Variants in SORBS2 observed in about 807,000 individuals in gnomAD.
The protein encoded by SORBS2 is sorbin and SH3 domain-containing protein 2.
A neutral mutation model predicts 97.7 loss-of-function variants in SORBS2; 46 were observed. That is an observed-to-expected ratio of 0.47 (90% CI 0.37 to 0.60). The LOEUF (loss-of-function observed/expected upper bound fraction) is 0.60. SORBS2 is among the 20% of genes least tolerant of loss of function. The pLI is 0.00. For synonymous variants in SORBS2, 476 were observed against 473.4 expected (o/e 1.01, Z -0.07); for missense variants, 1,316 against 1,282.3 (o/e 1.03, Z -0.40).
chr4:185,762,218 A>G (rs1360494882), intron 2 of SORBS2, among the ~76,000 whole-genome samples: 1 of 152,208 alleles, frequency 6.6e-6, no homozygotes, highest in African/African-American at 2.4e-5. Flanking sequence ...AATTCTCAGT[A>G]ACTGGGTGGC....
intron 2 of SORBS2, chr4:185,740,312 C>T (rs1370397956): frequency 6.6e-6 from 1 of 152,326 alleles, no homozygotes; most frequent in Non-Finnish European, 1.5e-5. Flanking sequence ...CACACGCTGT[C>T]AGGACATTCA....
intron 14 of SORBS2, chr4:185,587,899 A>G: frequency 2.0e-6 from 1 of 504,994 alleles, no homozygotes; most frequent in Non-Finnish European, 3.5e-6. Context: ...TCCGGCATAA[A>G]TGCTGCGCTG....
chr4:185,954,344 G>A (rs2099278612), intron 1 of SORBS2, among the ~76,000 whole-genome samples: 2 of 152,190 alleles, frequency 1.3e-5, no homozygotes, highest in South Asian at 4.2e-4. Context: ...TCTTACAGTT[G>A]ATTTTTAAAT....
chr4:185,854,839 A>G (rs1434030077), intron 1 of SORBS2, among the ~76,000 whole-genome samples: 2 of 151,968 alleles, frequency 1.3e-5, no homozygotes, highest in African/African-American at 4.8e-5. Context: ...TTACTGAGAG[A>G]GAACGTGCTA....
intron 1 of SORBS2, among the ~76,000 whole-genome samples, chr4:185,916,064 G>A (rs1288386346): frequency 6.6e-6 from 1 of 152,174 alleles, no homozygotes; most frequent in Non-Finnish European, 1.5e-5. Flanking sequence ...GGAGAAGCGA[G>A]ATCACAATAG....
chr4:185,618,681 A>G (rs765813550), intron 8 of SORBS2, 50 bp from the exon 21 acceptor site: 2 of 1,291,884 alleles, frequency 1.5e-6, no homozygotes, highest in African/African-American at 1.4e-5. Context: ...TGAATTTTCT[A>G]CAAGAAAGTA....
chr4:185,842,708 A>G (rs1439285274), intron 1 of SORBS2, among the ~76,000 whole-genome samples: 2 of 152,250 alleles, frequency 1.3e-5, no homozygotes, highest in South Asian at 2.1e-4. Context: ...AGGCCAAGGT[A>G]GGCGGATCAT....
intron 2 of SORBS2, among the ~76,000 whole-genome samples, chr4:185,724,041 C>T (rs1434719174): frequency 1.3e-5 from 2 of 152,156 alleles, no homozygotes; most frequent in African/African-American, 4.8e-5. Context: ...ACTCGGCATG[C>T]CGATTTCTGT....
chr4:185,866,468 A>G (rs1298861202), intron 1 of SORBS2, among the ~76,000 whole-genome samples: 2 of 152,230 alleles, frequency 1.3e-5, no homozygotes, highest in African/African-American at 4.8e-5. Flanking sequence ...CTTAATGCAC[A>G]TTCAATTTTG....
At chr4:185,946,481 A>T (rs1050066494) in intron 1 of SORBS2, among the ~76,000 whole-genome samples, 4 of 152,208 alleles carry the variant, frequency 2.6e-5, no homozygotes, top group African/African-American at 9.6e-5. Flanking sequence ...AAAACTTGAG[A>T]TGAGAGTTAG....
At chr4:185,904,891 G>A (rs1341949632) in intron 1 of SORBS2, among the ~76,000 whole-genome samples, 3 of 152,098 alleles carry the variant, frequency 2.0e-5, no homozygotes, top group Non-Finnish European at 4.4e-5. Context: ...GATCACCTGA[G>A]GTCGGGGGTT....
intron 1 of SORBS2, among the ~76,000 whole-genome samples, chr4:185,929,119 C>T (rs1369858321): frequency 1.3e-5 from 2 of 152,150 alleles, no homozygotes; most frequent in African/African-American, 4.8e-5. Flanking sequence ...AAAGAGAAAT[C>T]ACCCTTATAA....
rs143967845 is a variant in SORBS2 at position 185,763,649 on chromosome 4, A to G, written c.-198+11578T>C. On this transcript the variant is annotated intron_variant, in intron 2 of 20. Transcript: ENST00000284776. ...ACACCCACGTGCCCCATCCCCTAAC[A>G]AATCCTAACAGAGGAGAGGTATAAT... Among the ~76,000 whole-genome samples, 106 of 152,318 alleles carry G rather than the reference A, an allele frequency of 7.0e-4. 1 individual carries two copies. Among genetic ancestry groups the G allele is most frequent in the Middle Eastern group, 3.4e-3 (1 of 294 alleles).
chr4:185,819,555 T>C (rs1448912381), intron 1 of SORBS2, among the ~76,000 whole-genome samples: 3 of 152,218 alleles, frequency 2.0e-5, no homozygotes, highest in Non-Finnish European at 2.9e-5. Flanking sequence ...AGAAACAAAT[T>C]GATAATAGGG....
rs2097384744 is a variant in SORBS2 at position 185,655,532 on chromosome 4, G to T, written c.24+1083C>A. On this transcript the variant is annotated intron_variant, in intron 1 of 14. Coordinates refer to ENST00000418609, the Ensembl canonical transcript of SORBS2. Reference sequence around the variant, plus strand: ...TGGACCTTCTTTGTCAAGTTTTAAAGGTCCAAGTAAGACAACAATTGTGCA... The same window carrying T: ...TGGACCTTCTTTGTCAAGTTTTAAATGTCCAAGTAAGACAACAATTGTGCA... Among the ~76,000 whole-genome samples the T allele has an allele frequency of 2.6e-5, 4 of 152,120 alleles. No homozygotes were observed. The South Asian group carries it at 8.3e-4, about 31-fold the overall frequency.
chr4:185,825,569 C>A (rs1475585079), intron 1 of SORBS2, among the ~76,000 whole-genome samples: 2 of 152,154 alleles, frequency 1.3e-5, no homozygotes, highest in African/African-American at 4.8e-5. Flanking sequence ...ATGTTCCCAG[C>A]ATTTCTGTTA....
intron 1 of SORBS2, among the ~76,000 whole-genome samples, chr4:185,880,289 T>C (rs1026447000): frequency 6.6e-6 from 1 of 152,232 alleles, no homozygotes; most frequent in African/African-American, 2.4e-5. Context: ...CAGGTGTATT[T>C]TGTTATGCTG....
At chr4:185,705,903 C>T (rs1453041162) in intron 2 of SORBS2, among the ~76,000 whole-genome samples, 1 of 152,132 alleles carries the variant, frequency 6.6e-6, no homozygotes, top group African/African-American at 2.4e-5. Flanking sequence ...TCCCTAGACA[C>T]CAGTTTACAT....
At chr4:185,822,177 A>G (rs1370813010) in intron 1 of SORBS2, among the ~76,000 whole-genome samples, 1 of 152,242 alleles carries the variant, frequency 6.6e-6, no homozygotes, top group Non-Finnish European at 1.5e-5. Context: ...CTTCACCTGC[A>G]GTATTCAGCT....
Sources: gnomAD v4.1 joint callset for allele counts (sites outside exome capture counted in the v4.1 genomes callset) on GRCh38, gnomAD v4.1.1 for gene constraint, MANE v1.5 for transcripts, NCBI Gene and HGNC (gene_info 2026-07-23, HGNC 2026-07-21) for gene names.